Variants in SYNE1 observed in about 807,000 individuals in gnomAD.
SYNE1 encodes nesprin-1.
Under a neutral mutation model 1,111.0 loss-of-function variants are expected in SYNE1, and 616 were observed. The ratio of observed to expected loss-of-function variants is 0.55; its 90% CI spans 0.52 to 0.59. The LOEUF (loss-of-function observed/expected upper bound fraction) is 0.59, where lower values mean the gene tolerates loss of function less well. Ranked by LOEUF, SYNE1 falls within the 20% of genes least tolerant of loss-of-function variation. The probability of loss-of-function intolerance (pLI) is 0.00; values close to 1 mark genes in which losing one functional copy is unlikely to be tolerated. For missense variants in SYNE1, 10,006 were observed against 10,417.0 expected (o/e 0.96, Z 1.72); for synonymous variants, 3,855 against 3,825.8 (o/e 1.01, Z -0.28).
At chr6:152,365,063 A>G (rs924889952) in intron 62 of SYNE1, 44 bp from the exon 63 acceptor site, 3 of 1,609,050 alleles carry the variant, frequency 1.9e-6, no homozygotes, top group African/African-American at 1.3e-5. Flanking sequence ...TGTATGTTTA[A>G]CATTGCTGGC....
chr6:152,154,654 T>A (rs2061044791), intron 133 of SYNE1, among the ~76,000 whole-genome samples: 1 of 152,188 alleles, frequency 6.6e-6, no homozygotes, highest in Non-Finnish European at 1.5e-5. Flanking sequence ...TCTAATAGAA[T>A]CTCTCTTCAT....
At chr6:152,156,371 T>A (rs1439069583) in intron 131 of SYNE1, among the ~76,000 whole-genome samples, 1 of 152,194 alleles carries the variant, frequency 6.6e-6, no homozygotes, top group Non-Finnish European at 1.5e-5. Context: ...ACTTCTTTAA[T>A]CAATAAAAAA....
In SYNE1 at chr6:152,236,967, T is replaced by A; in HGVS notation, c.20068-19A>T. On this transcript the variant is annotated intron_variant, in intron 108 of 145. Transcript: ENST00000367255. Reference sequence around the variant, plus strand: ...ACCACGTCTAGAAACACAACATGAGTCTGTGAGCTAAAAAAACCCTCATTA... The same window carrying A: ...ACCACGTCTAGAAACACAACATGAGACTGTGAGCTAAAAAAACCCTCATTA... 6.2e-7 allele frequency: 1 copy of A among 1,608,334 alleles called. No homozygotes were observed. Among genetic ancestry groups the A allele is most frequent in the Non-Finnish European group, 8.5e-7 (1 of 1,177,900 alleles).
intron 58 of SYNE1, 54 bp from the exon 59 acceptor site, chr6:152,373,273 A>G (rs1323057446): frequency 1.9e-5 from 29 of 1,505,048 alleles, no homozygotes; most frequent in Non-Finnish European, 2.0e-5. Flanking sequence ...TGTTGTTTCT[A>G]TTTTTTCTTT....
chr6:152,522,522 C>T (rs1208038770), intron 5 of SYNE1, among the ~76,000 whole-genome samples: 2 of 152,036 alleles, frequency 1.3e-5, no homozygotes, highest in South Asian at 2.1e-4. Flanking sequence ...TATAAATATC[C>T]GTGTGAGGTG....
At chr6:152,620,318 T>C (rs1436549958) in intron 3 of SYNE1, among the ~76,000 whole-genome samples, 5 of 152,114 alleles carry the variant, frequency 3.3e-5, no homozygotes, top group African/African-American at 1.2e-4. Context: ...CTTTTCTTCT[T>C]ATCTGTCCGG....
rs36215251 is a variant in SYNE1 at position 152,149,638 on chromosome 6, T to G, written c.24481A>C (p.Asn8161His). The change falls in exon 136 of 146, where the codon AAT becomes CAT. Residue 8161 changes from asparagine (N) to histidine (H), a missense_variant. Asn to His is a moderately conservative substitution (Grantham distance 68). Transcript: ENST00000367255. ...AFQQEISLNH[N>H]KIEQIIAQGE... ...TGGGCAATTATCTGCTCAATCTTAT[T>G]GTGGTTCAGTGAAATTTCCTGCTGG... 4.4e-4 allele frequency: 705 copies of G among 1,614,138 alleles called. 12 individuals carry two copies. In the East Asian group the frequency reaches 0.013, roughly 30 times the overall value.
In SYNE1 at chr6:152,347,055, T is replaced by C; in HGVS notation, c.12078+4A>G. The C allele has an allele frequency of 6.2e-7, 1 of 1,614,092 alleles. No individual in the cohort carries two copies. Among genetic ancestry groups the C allele is most frequent in the Non-Finnish European group, 8.5e-7 (1 of 1,179,996 alleles). ...TCACTGTGGAATGTTCTGGGGGCAC[T>C]CACCCTCTGAGCTGTGCTGCAGATC... is the stretch of plus-strand genomic sequence containing the variant. On this transcript the variant is annotated splice_donor_region_variant and intron_variant, in intron 73 of 145. Transcript: ENST00000367255.
chr6:152,476,217 C>T (rs970921975), intron 14 of SYNE1, among the ~76,000 whole-genome samples: 1 of 152,198 alleles, frequency 6.6e-6, no homozygotes, highest in East Asian at 1.9e-4. Context: ...CTCCACATAT[C>T]CTCTTGGATG....
intron 53 of SYNE1, among the ~76,000 whole-genome samples, chr6:152,387,672 C>A (rs1386884936): frequency 6.6e-6 from 1 of 152,152 alleles, no homozygotes; most frequent in Non-Finnish European, 1.5e-5. Context: ...GAGCAATATA[C>A]ATTTATATGT....
intron 98 of SYNE1, among the ~76,000 whole-genome samples, chr6:152,272,679 T>C (rs950605235): frequency 7.9e-5 from 12 of 152,096 alleles, no homozygotes; most frequent in African/African-American, 2.4e-4. Flanking sequence ...CCCATGCAAG[T>C]CAAATTAGTT....
At chr6:152,632,579 G>T (rs75592166) in intron 2 of SYNE1, among the ~76,000 whole-genome samples, 2,103 of 152,258 alleles carry the variant, frequency 0.014, 44 homozygotes, top group African/African-American at 0.048. Flanking sequence ...ATGCATGAAG[G>T]TCCTCAACAA....
Position 152,164,336 on chromosome 6 carries a change from A to C in SYNE1, c.23628-11T>G. On this transcript the variant is annotated splice_polypyrimidine_tract_variant and intron_variant, in intron 130 of 145. Transcript: ENST00000367255. ...TTCAGCTTCTTCACCCTGTGGGCAG[A>C]GAAGGGGGAATGTCCCACTTCAGCG... is the stretch of plus-strand genomic sequence containing the variant. 6.2e-7 allele frequency: 1 copy of C among 1,614,020 alleles called. No individual in the cohort carries two copies. The highest frequency in any genetic ancestry group is 8.5e-7 in the Non-Finnish European group (1 of 1,180,010).
At position 152,213,648 on chromosome 6, in the gene SYNE1, A is replaced by C. The variant is rs139466191; in HGVS notation, c.22458T>G (p.Asn7486Lys). 180 of 1,614,096 alleles carry C rather than the reference A, an allele frequency of 1.1e-4. No individual in the cohort carries two copies. In the African/African-American group the frequency reaches 2.3e-3, roughly 21 times the overall value. Residue 7486 changes from asparagine (N) to lysine (K), a missense_variant, in exon 123 of 146, where the codon AAT becomes AAG. By Grantham distance (94) the Asn-to-Lys change is moderately conservative. Transcript: ENST00000367255. ...EQKLAVEISG[N>K]YQHLLEQQRA... ...TCTGCTGTTCCAAAAGGTGCTGATA[A>C]TTTCCTGAAATCTCTACTGCTAACT...
At chr6:152,138,624 A>G (rs1009630407) in intron 140 of SYNE1, among the ~76,000 whole-genome samples, 5 of 152,250 alleles carry the variant, frequency 3.3e-5, no homozygotes, top group African/African-American at 1.2e-4. Context: ...TAAAAAGCAT[A>G]TACTAAAACC....
chr6:152,238,222 G>T (rs1446455138), intron 108 of SYNE1, among the ~76,000 whole-genome samples: 1 of 152,176 alleles, frequency 6.6e-6, no homozygotes, highest in Non-Finnish European at 1.5e-5. Flanking sequence ...GTGTCATCAG[G>T]TAAGTTTCAT....
At chr6:152,507,811 A>C (rs2099065966) in intron 8 of SYNE1, among the ~76,000 whole-genome samples, 1 of 152,202 alleles carries the variant, frequency 6.6e-6, no homozygotes, top group Non-Finnish European at 1.5e-5. Flanking sequence ...TAAAGCTTTT[A>C]TTTCTGATAA....
chr6:152,235,473 T>C (rs1288303286), intron 110 of SYNE1, among the ~76,000 whole-genome samples: 1 of 151,912 alleles, frequency 6.6e-6, no homozygotes, highest in Non-Finnish European at 1.5e-5. Flanking sequence ...GCGATTCTCC[T>C]GCCTCAGCCT....
intron 28 of SYNE1, among the ~76,000 whole-genome samples, chr6:152,448,451 G>A (rs999682535): frequency 4.6e-5 from 7 of 151,698 alleles, no homozygotes; most frequent in Non-Finnish European, 8.8e-5. Flanking sequence ...TTTTTTTTGT[G>A]CGATGCAAGC....
Sources: gnomAD v4.1 joint callset for allele counts (sites outside exome capture counted in the v4.1 genomes callset) on GRCh38, gnomAD v4.1.1 for gene constraint, MANE v1.5 for transcripts, NCBI Gene and HGNC (gene_info 2026-07-23, HGNC 2026-07-21) for gene names.